The following SLC36A1 variants were observed in gnomAD, a reference collection of about 807,000 sequenced individuals.
SLC36A1 encodes the protein solute carrier family 36 member 1, also known as proton-coupled amino acid transporter 1.
SLC36A1 carries 30 observed loss-of-function variants against 47.5 expected under a neutral mutation model. The observed-to-expected ratio is 0.63, with a 90% CI of 0.47 to 0.86. SLC36A1 has a LOEUF of 0.86. SLC36A1 is among the 40% of genes least tolerant of loss of function. The pLI is 0.00. For synonymous variants in SLC36A1, 255 were observed against 249.7 expected (o/e 1.02, Z -0.20); for missense variants, 517 against 606.0 (o/e 0.85, Z 1.54).
At chr5:151,374,178 C>T in the SLC36A1 span, among the ~76,000 whole-genome samples, 34 of 152,298 alleles carry the variant, frequency 2.2e-4, no homozygotes, top group East Asian at 2.3e-3. Context: ...AAGACACGTA[C>T]CCCTGAAGAT....
chr5:151,406,994 C>A, the SLC36A1 span, among the ~76,000 whole-genome samples: 1 of 152,068 alleles, frequency 6.6e-6, no homozygotes, highest in South Asian at 2.1e-4. Flanking sequence ...AGCTGCAGAC[C>A]TTTGCAGTGA....
At chr5:151,414,241 G>C in the SLC36A1 span, among the ~76,000 whole-genome samples, 2 of 152,214 alleles carry the variant, frequency 1.3e-5, no homozygotes, top group Non-Finnish European at 1.5e-5. Context: ...TGAGCATTTA[G>C]GATGGGTATG....
the SLC36A1 span, chr5:151,507,478 C>A: frequency 2.5e-6 from 4 of 1,614,098 alleles, no homozygotes; most frequent in South Asian, 4.4e-5. Context: ...AAGAGAAGCC[C>A]GACAGTGCTT....
At chr5:151,551,464 A>G in the SLC36A1 span, 1 of 1,613,960 alleles carries the variant, frequency 6.2e-7, no homozygotes, top group Non-Finnish European at 8.5e-7. Context: ...CGAGGCCTCT[A>G]ACCTGTGTGG....
chr5:151,544,343 C>T, the SLC36A1 span: 2 of 1,614,194 alleles, frequency 1.2e-6, no homozygotes, highest in Non-Finnish European at 1.7e-6. Flanking sequence ...ACATCCTCCA[C>T]TAGGACTTCC....
chr5:151,548,101 G>A, the SLC36A1 span, among the ~76,000 whole-genome samples: 18 of 152,102 alleles, frequency 1.2e-4, no homozygotes, highest in South Asian at 6.3e-4. Context: ...CTTCTTCAGC[G>A]GTGAATAGAC....
At chr5:151,415,241 A>G in the SLC36A1 span, among the ~76,000 whole-genome samples, 1 of 152,108 alleles carries the variant, frequency 6.6e-6, no homozygotes, top group South Asian at 2.1e-4. Flanking sequence ...TTTGAAGACT[A>G]TTGATTATAT....
intron 10 of SLC36A1, chr5:151,480,123 ATAAAAG>A: frequency 6.8e-7 from 1 of 1,469,076 alleles, no homozygotes; most frequent in East Asian, 2.6e-5. Flanking sequence ...CATTTAGAAA[ATAAAAG>A]TAAATTTTTT....
At position 151,491,714 on chromosome 5, in the gene SLC36A1, G is replaced by A. The variant is rs1223644826; in HGVS notation, c.*3460G>A. 6.6e-6 allele frequency: 1 copy of A among 152,670 alleles called. No homozygotes were observed. Among genetic ancestry groups the A allele is most frequent in the Non-Finnish European group, 1.5e-5 (1 of 68,046 alleles). 9.5% of individuals were successfully genotyped at this position (152,670 alleles called of 1,614,324 possible). A position where few individuals can be genotyped will look rare whatever the true frequency, so the allele number is the denominator to read the frequency against. On this transcript the variant is annotated 3_prime_UTR_variant, in exon 11 of 11. Coordinates refer to ENST00000243389, the MANE Select transcript of SLC36A1 (RefSeq NM_078483.4). ...GATGTTAAGGCAAGCCTCAGCATCT[G>A]CCCCTGCTGGGTGCACAATGCTGCT...
At chr5:151,521,938 T>C in the SLC36A1 span, 1 of 1,614,158 alleles carries the variant, frequency 6.2e-7, no homozygotes, top group East Asian at 2.2e-5. Context: ...GGCATGGATC[T>C]TACCCACCAT....
the SLC36A1 span, chr5:151,543,427 G>C: frequency 1.2e-6 from 2 of 1,614,084 alleles, no homozygotes; most frequent in Non-Finnish European, 1.7e-6. Context: ...CGTGCAGAAG[G>C]CTACTCTTCC....
the SLC36A1 span, chr5:151,528,133 C>T: frequency 6.2e-7 from 1 of 1,613,796 alleles, no homozygotes; most frequent in Non-Finnish European, 8.5e-7. Flanking sequence ...GTCGCTGATA[C>T]CTGCGGTGGG....
At chr5:151,346,252 G>A in the SLC36A1 span, among the ~76,000 whole-genome samples, 1 of 152,122 alleles carries the variant, frequency 6.6e-6, no homozygotes, top group Admixed American at 6.5e-5. Context: ...CACTCTCAGG[G>A]TCACTAATAC....
chr5:151,360,723 A>T, the SLC36A1 span, among the ~76,000 whole-genome samples: 2 of 152,162 alleles, frequency 1.3e-5, no homozygotes, highest in Non-Finnish European at 2.9e-5. Context: ...TTTGTTAGGG[A>T]AGTCAAAAGC....
the SLC36A1 span, among the ~76,000 whole-genome samples, chr5:151,408,962 G>C: frequency 1.3e-5 from 2 of 151,672 alleles, no homozygotes; most frequent in Non-Finnish European, 2.9e-5. Flanking sequence ...GTGAAACGTG[G>C]TGAGGGTGAT....
chr5:151,347,222 C>T, the SLC36A1 span: 4 of 1,573,778 alleles, frequency 2.5e-6, no homozygotes, highest in Non-Finnish European at 3.5e-6. Context: ...GTCAGACACA[C>T]CCACCTCAGG....
chr5:151,364,296 C>G, the SLC36A1 span, among the ~76,000 whole-genome samples: 1 of 152,126 alleles, frequency 6.6e-6, no homozygotes, highest in African/African-American at 2.4e-5. Flanking sequence ...TCCAAAAATT[C>G]CAATATATTT....
chr5:151,551,596 C>T, the SLC36A1 span: 2 of 1,614,174 alleles, frequency 1.2e-6, no homozygotes, highest in Admixed American at 1.7e-5. Context: ...AGTCCATGTC[C>T]TTATCCCCAC....
At chr5:151,530,286 G>A in the SLC36A1 span, among the ~76,000 whole-genome samples, 19 of 149,840 alleles carry the variant, frequency 1.3e-4, no homozygotes, top group South Asian at 6.3e-4. Context: ...TCTTATGTGC[G>A]TCCAGACATG....
Sources: allele counts gnomAD v4.1 joint callset (sites outside exome capture counted in the v4.1 genomes callset), GRCh38; gene constraint gnomAD v4.1.1; transcripts MANE v1.5; gene names NCBI Gene and HGNC (gene_info 2026-07-23, HGNC 2026-07-21).